The following TRIM59 variants were observed in gnomAD, a reference collection of about 807,000 sequenced individuals.
The protein encoded by TRIM59 is tripartite motif containing 59, also known as tripartite motif-containing protein 59.
TRIM59 carries 14 observed loss-of-function variants against 32.2 expected under a neutral mutation model. The observed-to-expected ratio is 0.43, with a 90% CI of 0.29 to 0.68. The LOEUF (loss-of-function observed/expected upper bound fraction) is 0.68. Among genes scored for constraint, TRIM59 ranks in the 30% least tolerant of loss-of-function variants. TRIM59 has a pLI of 0.15. For synonymous variants in TRIM59, 163 were observed against 155.1 expected (o/e 1.05, Z -0.38); for missense variants, 471 against 463.3 (o/e 1.02, Z -0.15).
At position 160,437,477 on chromosome 3, in the gene TRIM59, C is replaced by T. The variant is rs1719041102; in HGVS notation, c.*495G>A. 1.0e-6 allele frequency: 1 copy of T among 985,360 alleles called. No homozygotes were observed. Among genetic ancestry groups the T allele is most frequent in the African/African-American group, 1.7e-5 (1 of 57,344 alleles). The allele number at this position is 985,360 out of a possible 1,614,324, so 61.0% of individuals were successfully genotyped here. ...TATCTCAAACACAGGTATGTTTGAT[C>T]AAAAGATCTTTAAGCCATGCCTTAT... is the stretch of plus-strand genomic sequence containing the variant. On this transcript the variant is annotated 3_prime_UTR_variant, in exon 3 of 3. Transcript: ENST00000309784.
chr3:160,444,541 G>A (rs1393653453), intron 2 of TRIM59, among the ~76,000 whole-genome samples: 3 of 152,186 alleles, frequency 2.0e-5, no homozygotes, highest in Non-Finnish European at 4.4e-5. Context: ...GTCCTATAAT[G>A]TGACTTTGCT....
chr3:160,448,816 T>A (rs1470971380), intron 1 of TRIM59, 21 bp from the exon 2 acceptor site: 2 of 1,160,168 alleles, frequency 1.7e-6, no homozygotes, highest in South Asian at 2.8e-5. Flanking sequence ...AATAATGTTA[T>A]CTTTAATGTT....
intron 2 of TRIM59, among the ~76,000 whole-genome samples, chr3:160,440,391 G>A (rs1008341677): frequency 5.9e-5 from 9 of 152,244 alleles, no homozygotes; most frequent in Non-Finnish European, 7.4e-5. Context: ...GAAACGTAGC[G>A]ATAGTTCAGA....
chr3:160,435,948 AC>A lies in TRIM59; in HGVS notation c.*2023del, dbSNP rs1718918826. On this transcript the variant is annotated 3_prime_UTR_variant, in exon 3 of 3. Transcript: ENST00000309784. ...CACAGAAATGAGATTAAGTAGTTTA[AC>A]ACATAATGGCTAACATTTCATTGCT... is the stretch of plus-strand genomic sequence containing the variant. 7.8e-7 allele frequency: 1 copy of A among 1,283,988 alleles called. No individual in the cohort carries two copies. Among genetic ancestry groups the A allele is most frequent in the African/African-American group, 1.5e-5 (1 of 65,626 alleles). 79.5% of individuals were successfully genotyped at this position (1,283,988 alleles called of 1,614,324 possible).
intron 2 of TRIM59, among the ~76,000 whole-genome samples, chr3:160,445,374 G>A (rs1003302941): frequency 1.3e-5 from 2 of 151,942 alleles, no homozygotes; most frequent in African/African-American, 4.8e-5. Flanking sequence ...CATGAGCCAC[G>A]GTCGTTCCAC....
At position 160,437,037 on chromosome 3, in the gene TRIM59, T is replaced by C. The variant is rs555043178; in HGVS notation, c.*935A>G. 77 of 985,180 alleles carry C rather than the reference T, an allele frequency of 7.8e-5. No individual in the cohort carries two copies. In the Admixed American group the frequency reaches 3.5e-3, roughly 45 times the overall value. 61.0% of individuals were successfully genotyped at this position (985,180 alleles called of 1,614,324 possible). On this transcript the variant is annotated 3_prime_UTR_variant, in exon 3 of 3. Coordinates refer to ENST00000309784, the MANE Select transcript of TRIM59 (RefSeq NM_173084.3). The stretch of plus-strand genomic sequence containing the variant: ...AACAATCTTAAATTTGCACAAACTA[T>C]AGAATATGACAAGTATTAGAAAATG...
intron 2 of TRIM59, among the ~76,000 whole-genome samples, chr3:160,444,744 G>C (rs1411239791): frequency 1.3e-5 from 2 of 152,218 alleles, no homozygotes; most frequent in African/African-American, 2.4e-5. Context: ...CTTTGCTGAA[G>C]AGACAGGCCA....
chr3:160,444,290 A>G (rs1305317995), intron 2 of TRIM59, among the ~76,000 whole-genome samples: 1 of 152,236 alleles, frequency 6.6e-6, no homozygotes, highest in Non-Finnish European at 1.5e-5. Flanking sequence ...AAAGCAGATA[A>G]AAGTGATGGC....
intron 2 of TRIM59, among the ~76,000 whole-genome samples, chr3:160,448,493 C>T (rs1295560923): frequency 1.3e-5 from 2 of 152,172 alleles, no homozygotes; most frequent in South Asian, 2.1e-4. Flanking sequence ...TGTAAAATTT[C>T]TAGAAGGATG....
intron 2 of TRIM59, among the ~76,000 whole-genome samples, chr3:160,442,101 T>C (rs1719284201): frequency 6.6e-6 from 1 of 152,172 alleles, no homozygotes; most frequent in African/African-American, 2.4e-5. Flanking sequence ...GGAAATAAAA[T>C]TTGAGCAGTC....
intron 1 of TRIM59, 65 bp downstream of exon 1, chr3:160,449,652 G>A: frequency 7.8e-7 from 1 of 1,289,788 alleles, no homozygotes; most frequent in South Asian, 1.2e-5. Flanking sequence ...ACCAGACTGT[G>A]CTACAGGAAA....
In TRIM59 at chr3:160,436,005, A is replaced by G; in HGVS notation, c.*1967T>C. On this transcript the variant is annotated 3_prime_UTR_variant, in exon 3 of 3. Coordinates refer to ENST00000309784, the MANE Select transcript of TRIM59 (RefSeq NM_173084.3). Reference sequence around the variant, plus strand: ...GTTTTTGAAACTACAGGGCACTTTTATGGTGTGACTAGTATTTTAAGTAAT... The same window carrying G: ...GTTTTTGAAACTACAGGGCACTTTTGTGGTGTGACTAGTATTTTAAGTAAT... The G allele has an allele frequency of 2.4e-6, 3 of 1,245,904 alleles. No homozygotes were observed. The highest frequency in any genetic ancestry group is 3.1e-6 in the Non-Finnish European group (3 of 969,308). 77.2% of individuals were successfully genotyped at this position (1,245,904 alleles called of 1,614,324 possible).
rs187802048 is a variant in TRIM59, at chr3:160,441,068, C to T, written c.-3-1882G>A. On this transcript the variant is annotated intron_variant, in intron 2 of 2. Transcript: ENST00000309784. ...ATGCAAACTTGGCTCCTTATCTTTA[C>T]GATCTGTCAAACTCTTAACTCTTCC... Among the ~76,000 whole-genome samples the T allele has an allele frequency of 2.6e-5, 4 of 152,296 alleles. No individual in the cohort carries two copies. In the East Asian group the frequency reaches 5.8e-4, roughly 22 times the overall value.
At position 160,438,494 on chromosome 3, in the gene TRIM59, C is replaced by T; in HGVS notation, c.690G>A (p.Glu230=). ...TCAGTGCCATTAATTCAAGCTGCTGCTCTCGTATTTCCTTCATTCTTTCAA... is the reference window on the plus strand; with the variant it reads ...TCAGTGCCATTAATTCAAGCTGCTGTTCTCGTATTTCCTTCATTCTTTCAA... The part of the protein sequence containing the change: ...PQIERMKEIR[E]QQLELMALTI... Residue 230 remains glutamate (E), a synonymous_variant, in exon 3 of 3, where the codon GAG becomes GAA. Transcript: ENST00000309784. 1 of 1,612,910 alleles carries T rather than the reference C, an allele frequency of 6.2e-7. No homozygotes were observed. Among genetic ancestry groups the T allele is most frequent in the Non-Finnish European group, 8.5e-7 (1 of 1,179,752 alleles).
chr3:160,449,635 T>C, intron 1 of TRIM59, 82 bp downstream of exon 1: 6 of 1,289,342 alleles, frequency 4.7e-6, no homozygotes, highest in Non-Finnish European at 6.1e-6. Context: ...CCCAACACAC[T>C]AGGCACACCA....
Position 160,435,740 on chromosome 3 carries a change from T to TAA in TRIM59, c.*2231_*2232insTT, listed in dbSNP as rs752734045. 2 of 335,196 alleles carry TAA rather than the reference T, an allele frequency of 6.0e-6. No individual in the cohort carries two copies. Among genetic ancestry groups the TAA allele is most frequent in the African/African-American group, 4.3e-5 (2 of 46,060 alleles). 20.8% of individuals were successfully genotyped at this position (335,196 alleles called of 1,614,324 possible). ...TCAAATCTAAAATGATATATATACT[T>TAA]ACGTTTTTAGCATTCTTACAGATTA... is the stretch of plus-strand genomic sequence containing the variant. On this transcript the variant is annotated 3_prime_UTR_variant, in exon 3 of 3. Coordinates refer to ENST00000309784, the MANE Select transcript of TRIM59 (RefSeq NM_173084.3).
intron 2 of TRIM59, among the ~76,000 whole-genome samples, chr3:160,444,276 T>C (rs1719408609): frequency 1.3e-5 from 2 of 152,098 alleles, no homozygotes; most frequent in South Asian, 4.2e-4. Flanking sequence ...CCAAAAGAAA[T>C]GTTAAAGCAG....
intron 2 of TRIM59, among the ~76,000 whole-genome samples, chr3:160,446,279 G>A (rs1333334255): frequency 6.6e-6 from 1 of 152,088 alleles, no homozygotes; most frequent in Non-Finnish European, 1.5e-5. Context: ...TGAAAAGTTT[G>A]CTAAATATTT....
rs1309800269 is a variant in TRIM59 at position 160,437,650 on chromosome 3, G to C, written c.*322C>G. On this transcript the variant is annotated 3_prime_UTR_variant, in exon 3 of 3. Transcript: ENST00000309784. ...AGAACTGTAAAGCCAATTAACTGCA[G>C]TATATAATAATGGTAAAAGACAATA... is the stretch of plus-strand genomic sequence containing the variant. 3.0e-6 allele frequency: 3 copies of C among 1,008,252 alleles called. No individual in the cohort carries two copies. Among genetic ancestry groups the C allele is most frequent in the Non-Finnish European group, 2.4e-6 (2 of 844,716 alleles). The allele number at this position is 1,008,252 out of a possible 1,614,324, so 62.5% of individuals were successfully genotyped here. A position where few individuals can be genotyped will look rare whatever the true frequency, so the allele number is the denominator to read the frequency against.
Sources: gnomAD v4.1 joint callset for allele counts (sites outside exome capture counted in the v4.1 genomes callset) on GRCh38, gnomAD v4.1.1 for gene constraint, MANE v1.5 for transcripts, NCBI Gene and HGNC (gene_info 2026-07-23, HGNC 2026-07-21) for gene names.